The following LDAH variants were observed in gnomAD, a reference collection of about 807,000 sequenced individuals.
The protein encoded by LDAH is lipid droplet associated hydrolase.
Under a neutral mutation model 29.6 loss-of-function variants are expected in LDAH, and 26 were observed. The ratio of observed to expected loss-of-function variants is 0.88; its 90% CI spans 0.64 to 1.22. LDAH has a LOEUF of 1.22. Ranked by LOEUF, LDAH falls within the 50% of genes most tolerant of loss-of-function variation. The probability of loss-of-function intolerance (pLI) is 0.00; values close to 1 mark genes in which losing one functional copy is unlikely to be tolerated. For missense variants in LDAH, 344 were observed against 387.3 expected (o/e 0.89, Z 0.94); for synonymous variants, 117 against 133.0 (o/e 0.88, Z 0.83).
At chr2:20,796,322 G>T (rs535344883) in intron 2 of LDAH, among the ~76,000 whole-genome samples, 1 of 152,218 alleles carries the variant, frequency 6.6e-6, no homozygotes, top group Admixed American at 6.5e-5. Flanking sequence ...AAAGAGTGAG[G>T]GAATAAATAC....
intron 1 of LDAH, among the ~76,000 whole-genome samples, chr2:20,820,462 A>C (rs1673184760): frequency 6.6e-6 from 1 of 152,200 alleles, no homozygotes; most frequent in Admixed American, 6.5e-5. Context: ...ATAATACCAC[A>C]CATCTACAAC....
At chr2:20,745,113 T>G (rs532851862) in intron 4 of LDAH, among the ~76,000 whole-genome samples, 2 of 152,308 alleles carry the variant, frequency 1.3e-5, no homozygotes, top group East Asian at 3.9e-4. Context: ...CCTAATAATA[T>G]TTCTGTATAT....
At chr2:20,687,520 G>A (rs974272292) in intron 6 of LDAH, among the ~76,000 whole-genome samples, 7 of 152,224 alleles carry the variant, frequency 4.6e-5, no homozygotes, top group Non-Finnish European at 8.8e-5. Flanking sequence ...GGATGTATTT[G>A]TTGAATGAAT....
rs545051575 is a variant in LDAH at position 20,750,287 on chromosome 2, A to G, written c.469-10082T>C. ...GTGATCCACCTGCCTCAGCCTCCCAAAGTGTTGGGATTACAGGCGTGAGCC... is the reference window on the plus strand; with the variant it reads ...GTGATCCACCTGCCTCAGCCTCCCAGAGTGTTGGGATTACAGGCGTGAGCC... On this transcript the variant is annotated intron_variant, in intron 4 of 6. Transcript: ENST00000237822. 1.1e-3 allele frequency among the ~76,000 whole-genome samples: 174 copies of G among 152,096 alleles called. 1 individual carries two copies. The highest frequency in any genetic ancestry group is 2.1e-3 in the Non-Finnish European group (144 of 67,968).
At chr2:20,756,932 T>G (rs1668381996) in intron 4 of LDAH, among the ~76,000 whole-genome samples, 1 of 152,198 alleles carries the variant, frequency 6.6e-6, no homozygotes, top group South Asian at 2.1e-4. Context: ...AATTAAAAAC[T>G]TGAAATGACA....
intron 5 of LDAH, among the ~76,000 whole-genome samples, chr2:20,704,150 G>C (rs1459304523): frequency 6.6e-6 from 1 of 152,238 alleles, no homozygotes; most frequent in Admixed American, 6.5e-5. Flanking sequence ...ACAGAGAATA[G>C]GGTAGGAGAT....
At chr2:20,782,898 G>A (rs1282022231) in intron 3 of LDAH, among the ~76,000 whole-genome samples, 1 of 151,898 alleles carries the variant, frequency 6.6e-6, no homozygotes, top group Admixed American at 6.5e-5. Flanking sequence ...GGTGTCCTAA[G>A]GCAGAAACTT....
In LDAH at chr2:20,687,895, C is replaced by T. The variant is rs186496261; in HGVS notation, c.787-801G>A. ...GAAGAACAGATAGTGGCAATTTCTACAAAAACCAAGAACTAAATCTTAAGG... is the reference window on the plus strand; with the variant it reads ...GAAGAACAGATAGTGGCAATTTCTATAAAAACCAAGAACTAAATCTTAAGG... On this transcript the variant is annotated intron_variant, in intron 6 of 6. Transcript: ENST00000237822. Among the ~76,000 whole-genome samples, 340 of 152,330 alleles carry T rather than the reference C, an allele frequency of 2.2e-3. 1 individual carries two copies. The highest frequency in any genetic ancestry group is 5.0e-3 in the Admixed American group (77 of 15,306).
intron 3 of LDAH, among the ~76,000 whole-genome samples, chr2:20,786,145 T>C (rs1670531919): frequency 6.6e-6 from 1 of 152,192 alleles, no homozygotes; most frequent in Non-Finnish European, 1.5e-5. Context: ...AGACCTTTTA[T>C]GTGAGGCTAT....
intron 1 of LDAH, among the ~76,000 whole-genome samples, chr2:20,806,344 C>A (rs114094917): frequency 2.6e-5 from 4 of 152,082 alleles, no homozygotes; most frequent in African/African-American, 9.7e-5. Context: ...TATTGTGCCA[C>A]GATGACACAG....
In LDAH at chr2:20,723,005, A is replaced by G. The variant is rs138483517; in HGVS notation, c.703+16966T>C. On this transcript the variant is annotated intron_variant, in intron 5 of 6. Coordinates refer to ENST00000237822, the MANE Select transcript of LDAH (RefSeq NM_021925.4). ...CTGCATTTCCTCTCTGGATGGACCC[A>G]AGAGAAATATGTGCATAAGTTCACT... Among the ~76,000 whole-genome samples, 163 of 152,296 alleles carry G rather than the reference A, an allele frequency of 1.1e-3. 1 individual carries two copies. Among genetic ancestry groups the G allele is most frequent in the African/African-American group, 3.9e-3 (160 of 41,558 alleles).
At chr2:20,791,480 T>C (rs917234672) in intron 2 of LDAH, among the ~76,000 whole-genome samples, 1 of 152,250 alleles carries the variant, frequency 6.6e-6, no homozygotes, top group Non-Finnish European at 1.5e-5. Context: ...AACGGTAATA[T>C]ACAACGGCCG....
At chr2:20,683,658 A>T (rs923137878), downstream of LDAH, among the ~76,000 whole-genome samples, 2 of 152,258 alleles carry the variant, frequency 1.3e-5, no homozygotes, top group African/African-American at 4.8e-5. Flanking sequence ...GCTGACTGCT[A>T]GAATCAAGTT....
intron 5 of LDAH, among the ~76,000 whole-genome samples, chr2:20,715,287 T>C (rs1665090388): frequency 6.6e-6 from 1 of 152,090 alleles, no homozygotes; most frequent in Non-Finnish European, 1.5e-5. Context: ...AACCACATGA[T>C]TATCTCAATA....
chr2:20,789,506 C>T (rs995550524), intron 3 of LDAH, among the ~76,000 whole-genome samples: 11 of 152,220 alleles, frequency 7.2e-5, no homozygotes, highest in Admixed American at 6.5e-5. Context: ...CACATGCCTA[C>T]TCCACAAAGT....
intron 5 of LDAH, among the ~76,000 whole-genome samples, chr2:20,707,859 C>G (rs1160034518): frequency 2.0e-5 from 3 of 152,174 alleles, no homozygotes; most frequent in Non-Finnish European, 4.4e-5. Context: ...CAGGCATTCC[C>G]CATTGCTTGC....
At chr2:20,813,681 C>A (rs973818430) in intron 1 of LDAH, among the ~76,000 whole-genome samples, 16 of 152,270 alleles carry the variant, frequency 1.1e-4, no homozygotes, top group Admixed American at 3.9e-4. Context: ...GAATGTAATT[C>A]TTTTAGCGAT....
In LDAH at chr2:20,686,464, T is replaced by A; in HGVS notation, c.*439A>T. 1 of 155,136 alleles carries A rather than the reference T, an allele frequency of 6.4e-6. No homozygotes were observed. Among genetic ancestry groups the A allele is most frequent in the Admixed American group, 6.4e-5 (1 of 15,560 alleles). 9.6% of individuals were successfully genotyped at this position (155,136 alleles called of 1,614,324 possible). A position where few individuals can be genotyped will look rare whatever the true frequency, so the allele number is the denominator to read the frequency against. ...TTGTCATAATCTCATACACTTCACA[T>A]ATCTAACTATACTCTTAACATTCAC... On this transcript the variant is annotated 3_prime_UTR_variant, in exon 7 of 7. Coordinates refer to ENST00000237822, the MANE Select transcript of LDAH (RefSeq NM_021925.4).
At chr2:20,764,659 A>G (rs1230383785) in intron 4 of LDAH, among the ~76,000 whole-genome samples, 2 of 152,242 alleles carry the variant, frequency 1.3e-5, no homozygotes. Flanking sequence ...GAAGAACTCA[A>G]ATATTAAAAA....
Sources: allele counts gnomAD v4.1 joint callset (sites outside exome capture counted in the v4.1 genomes callset), GRCh38; gene constraint gnomAD v4.1.1; transcripts MANE v1.5; gene names NCBI Gene and HGNC (gene_info 2026-07-23, HGNC 2026-07-21).